Variants in ATG10 observed in about 807,000 individuals in gnomAD.
The protein encoded by ATG10 is ubiquitin-like-conjugating enzyme ATG10.
ATG10 carries 30 observed loss-of-function variants against 32.1 expected under a neutral mutation model. That is an observed-to-expected ratio of 0.94 (90% CI 0.70 to 1.27). The LOEUF is 1.27. Ranked by LOEUF, ATG10 falls within the 50% of genes most tolerant of loss-of-function variation. The pLI, the probability that ATG10 is intolerant of heterozygous loss-of-function variation, is 0.00. For synonymous variants in ATG10, 87 were observed against 91.5 expected, an observed-to-expected ratio of 0.95 and a Z score of 0.28; for missense variants, 233 against 262.3, an observed-to-expected ratio of 0.89 and a Z score of 0.77.
intron 2 of ATG10, among the ~76,000 whole-genome samples, chr5:81,993,322 T>TC (rs1761521014): frequency 2.7e-5 from 3 of 109,658 alleles, no homozygotes; most frequent in African/African-American, 4.0e-5. Flanking sequence ...TTTCTTTCTT[T>TC]CTTTCCTTCC....
At chr5:82,121,040 C>T (rs1402370008) in intron 3 of ATG10, among the ~76,000 whole-genome samples, 1 of 152,120 alleles carries the variant, frequency 6.6e-6, no homozygotes, top group African/African-American at 2.4e-5. Context: ...ATATGGGATT[C>T]AGTAACCCTA....
intron 2 of ATG10, among the ~76,000 whole-genome samples, chr5:82,003,629 T>C (rs1463578224): frequency 1.3e-5 from 2 of 152,210 alleles, no homozygotes; most frequent in Non-Finnish European, 2.9e-5. Context: ...CATGTATTCA[T>C]AATGTTAGAG....
At chr5:81,980,798 CT>C (rs1761024258) in intron 1 of ATG10, among the ~76,000 whole-genome samples, 1 of 152,054 alleles carries the variant, frequency 6.6e-6, no homozygotes, top group Admixed American at 6.6e-5. Context: ...CACTGCACTA[CT>C]GGGAGAGAAC....
chr5:82,081,947 T>C (rs761729498), intron 3 of ATG10, among the ~76,000 whole-genome samples: 3 of 152,210 alleles, frequency 2.0e-5, no homozygotes, highest in Non-Finnish European at 4.4e-5. Context: ...CAGTTCCTCC[T>C]TGTACCTCTG....
intron 3 of ATG10, among the ~76,000 whole-genome samples, chr5:82,113,126 G>A (rs138988919): frequency 1.2e-3 from 183 of 151,920 alleles, no homozygotes; most frequent in Admixed American, 3.0e-3. Flanking sequence ...CACAGACGCC[G>A]TTTGTTGACA....
intron 1 of ATG10, among the ~76,000 whole-genome samples, chr5:81,979,596 C>T (rs1289733534): frequency 6.6e-6 from 1 of 152,046 alleles, no homozygotes; most frequent in African/African-American, 2.4e-5. Context: ...ATCAAATCCC[C>T]AGACATTGCA....
intron 3 of ATG10, among the ~76,000 whole-genome samples, chr5:82,125,306 C>T (rs570126081): frequency 1.2e-4 from 19 of 152,198 alleles, no homozygotes; most frequent in Middle Eastern, 3.4e-3. Context: ...TCCCATTTTT[C>T]AATTTTGGCT....
intron 3 of ATG10, among the ~76,000 whole-genome samples, chr5:82,081,630 CT>C (rs1764484492): frequency 6.6e-6 from 1 of 152,198 alleles, no homozygotes; most frequent in African/African-American, 2.4e-5. Context: ...TGGTTTTTGT[CT>C]TTGGTTCTGT....
intron 2 of ATG10, among the ~76,000 whole-genome samples, chr5:82,011,885 A>C (rs1340811268): frequency 6.6e-6 from 1 of 152,102 alleles, no homozygotes; most frequent in East Asian, 1.9e-4. Flanking sequence ...GTAGTTTCTC[A>C]AGCTTCTCTG....
chr5:82,032,743 G>A (rs1023489966), intron 2 of ATG10, among the ~76,000 whole-genome samples: 1 of 150,472 alleles, frequency 6.6e-6, no homozygotes, highest in African/African-American at 2.4e-5. Flanking sequence ...TATATATATT[G>A]TTATTATATA....
At position 82,046,905 on chromosome 5, in the gene ATG10, T is replaced by C. The variant is rs143063706; in HGVS notation, c.109-11590T>C. On this transcript the variant is annotated intron_variant, in intron 2 of 7. Coordinates refer to ENST00000282185, the MANE Select transcript of ATG10 (RefSeq NM_031482.5). Reference sequence around the variant, plus strand: ...GCCAATGGTTCAAAAAGCAATAATTTATGAAAGGAATAAGATTGGGAGTAA... The same window carrying C: ...GCCAATGGTTCAAAAAGCAATAATTCATGAAAGGAATAAGATTGGGAGTAA... Among the ~76,000 whole-genome samples, 26 of 152,084 alleles carry C rather than the reference T, an allele frequency of 1.7e-4. 1 individual carries two copies. The highest frequency in any genetic ancestry group is 2.6e-4 in the Non-Finnish European group (18 of 68,016).
chr5:82,064,439 A>G (rs899786696), intron 3 of ATG10, among the ~76,000 whole-genome samples: 2 of 152,156 alleles, frequency 1.3e-5, no homozygotes, highest in Non-Finnish European at 2.9e-5. Context: ...ATGGATATCA[A>G]ACTTGAGGGA....
intron 1 of ATG10, among the ~76,000 whole-genome samples, chr5:81,983,205 G>A (rs569139314): frequency 4.7e-5 from 7 of 149,804 alleles, no homozygotes; most frequent in South Asian, 2.1e-4. Flanking sequence ...CCTCCCTCCC[G>A]GACGGGGCGA....
chr5:82,124,298 T>C (rs1283126813), intron 3 of ATG10, among the ~76,000 whole-genome samples: 1 of 149,406 alleles, frequency 6.7e-6, no homozygotes, highest in Admixed American at 6.8e-5. Context: ...CCACTGCCCT[T>C]GGCTTTTTTT....
chr5:82,012,640 CA>C lies in ATG10; in HGVS notation c.108+24964del, dbSNP rs556643510. Among the ~76,000 whole-genome samples, 178 of 152,228 alleles carry C rather than the reference CA, an allele frequency of 1.2e-3. 2 individuals are homozygous for C. The Middle Eastern group carries it at 0.017, about 15-fold the overall frequency. On this transcript the variant is annotated intron_variant, in intron 2 of 7. Coordinates refer to ENST00000282185, the MANE Select transcript of ATG10 (RefSeq NM_031482.5). Reference sequence around the variant, plus strand: ...TAGTAGTCTGAGAGCTCCTTGACAGCAAGCACTATGTTTTTGTTTTTACTGT... The same window carrying C: ...TAGTAGTCTGAGAGCTCCTTGACAGCAGCACTATGTTTTTGTTTTTACTGT...
At chr5:82,110,532 G>A (rs1765584870) in intron 3 of ATG10, among the ~76,000 whole-genome samples, 1 of 152,062 alleles carries the variant, frequency 6.6e-6, no homozygotes, top group African/African-American at 2.4e-5. Context: ...GTTTTGATTT[G>A]CATTTCTCTG....
At chr5:82,123,764 CAAAAAAAA>C (rs1178883742) in intron 3 of ATG10, among the ~76,000 whole-genome samples, 2 of 56,788 alleles carry the variant, frequency 3.5e-5, no homozygotes, top group Admixed American at 2.3e-4. Context: ...ACTGTCTGTA[CAAAAAAAA>C]AAAAAAAAAA....
At chr5:81,980,288 T>G (rs1760998478) in intron 1 of ATG10, among the ~76,000 whole-genome samples, 1 of 152,206 alleles carries the variant, frequency 6.6e-6, no homozygotes. Context: ...GTAAGTCCAT[T>G]ACAGGAGCAA....
At chr5:82,119,482 G>A (rs750402489) in intron 3 of ATG10, among the ~76,000 whole-genome samples, 25 of 151,938 alleles carry the variant, frequency 1.6e-4, no homozygotes, top group Non-Finnish European at 2.2e-4. Flanking sequence ...TTTTTGAGAT[G>A]GAATCTCTCT....
Sources: gnomAD v4.1 joint callset for allele counts (sites outside exome capture counted in the v4.1 genomes callset) on GRCh38, gnomAD v4.1.1 for gene constraint, MANE v1.5 for transcripts, NCBI Gene and HGNC (gene_info 2026-07-23, HGNC 2026-07-21) for gene names.